Variants in ADK observed in about 807,000 individuals in gnomAD.
The protein encoded by ADK is adenosine kinase.
ADK carries 24 observed loss-of-function variants against 44.7 expected under a neutral mutation model. The ratio of observed to expected loss-of-function variants is 0.54; its 90% CI spans 0.39 to 0.76. ADK has a LOEUF of 0.76. Among genes scored for constraint, ADK ranks in the 30% least tolerant of loss-of-function variants. The pLI, the probability that ADK is intolerant of heterozygous loss-of-function variation, is 0.00. For missense variants in ADK, 321 were observed against 425.1 expected (o/e 0.76, Z 2.15); for synonymous variants, 128 against 142.6 (o/e 0.90, Z 0.73).
intron 3 of ADK, among the ~76,000 whole-genome samples, chr10:74,295,670 C>T (rs1467218266): frequency 6.6e-6 from 1 of 150,474 alleles, no homozygotes. Context: ...ATTGGTTTTA[C>T]TTCTATTGGT....
rs541989739 is a variant in ADK at position 74,443,130 on chromosome 10, A to G, written c.555+44551A>G. Among the ~76,000 whole-genome samples the G allele has an allele frequency of 5.9e-5, 9 of 152,270 alleles. No homozygotes were observed. In the South Asian group the frequency reaches 1.9e-3, roughly 32 times the overall value. On this transcript the variant is annotated intron_variant, in intron 6 of 10. Coordinates refer to ENST00000539909, the MANE Select transcript of ADK (RefSeq NM_006721.4). ...TATAGTTTATAATTATGTATTGTAT[A>G]CTTGAAATTTGTTAAGAAAGTAGCT...
At chr10:74,508,388 A>G (rs1390113261) in intron 6 of ADK, 10 of 152,232 alleles carry the variant, frequency 6.6e-5, no homozygotes, top group Admixed American at 3.3e-4. Context: ...GATGGGAGGC[A>G]GAAGACTTTC....
intron 6 of ADK, among the ~76,000 whole-genome samples, chr10:74,435,439 T>C (rs536092963): frequency 6.6e-6 from 1 of 152,172 alleles, no homozygotes; most frequent in South Asian, 2.1e-4. Flanking sequence ...GGTTAGTAAA[T>C]GGGGAGATAT....
chr10:74,650,924 G>A (rs989701864), intron 9 of ADK, among the ~76,000 whole-genome samples: 34 of 152,026 alleles, frequency 2.2e-4, no homozygotes, highest in Non-Finnish European at 5.9e-5. Flanking sequence ...TTCATTCTCA[G>A]AAACAAAAAT....
At chr10:74,602,262 C>T (rs1852167221) in intron 9 of ADK, among the ~76,000 whole-genome samples, 1 of 151,992 alleles carries the variant, frequency 6.6e-6, no homozygotes, top group Admixed American at 6.6e-5. Context: ...AAAAGATATC[C>T]CTGCACTGAT....
At chr10:74,538,814 A>G (rs553965084) in intron 7 of ADK, among the ~76,000 whole-genome samples, 1 of 152,302 alleles carries the variant, frequency 6.6e-6, no homozygotes, top group Non-Finnish European at 1.5e-5. Context: ...AATGTTTCTA[A>G]TAGTTAATTA....
chr10:74,693,810 TC>T (rs1856073944), intron 10 of ADK, among the ~76,000 whole-genome samples: 1 of 152,168 alleles, frequency 6.6e-6, no homozygotes, highest in Non-Finnish European at 1.5e-5. Flanking sequence ...TGAGGAATCT[TC>T]TAAGAAGAGT....
intron 3 of ADK, among the ~76,000 whole-genome samples, chr10:74,261,192 TGGTCCCCC>T (rs1846023500): frequency 6.6e-6 from 1 of 152,240 alleles, no homozygotes; most frequent in Non-Finnish European, 1.5e-5. Flanking sequence ...AACAAATATT[TGGTCCCCC>T]TTTCCCACCA....
intron 9 of ADK, among the ~76,000 whole-genome samples, chr10:74,636,130 A>AT (rs1015286035): frequency 5.3e-5 from 8 of 152,048 alleles, no homozygotes; most frequent in Non-Finnish European, 1.2e-4. Context: ...ATAGATAATT[A>AT]TTTTTTTAAT....
chr10:74,660,729 CAAAAAAAAAAA>C (rs747443907), intron 9 of ADK, among the ~76,000 whole-genome samples: 1 of 92,888 alleles, frequency 1.1e-5, no homozygotes, highest in African/African-American at 4.5e-5. Flanking sequence ...GACCCTGTCT[CAAAAAAAAAAA>C]AAAAAAAAAG....
intron 4 of ADK, among the ~76,000 whole-genome samples, chr10:74,385,204 A>G (rs1843103305): frequency 6.6e-6 from 1 of 152,212 alleles, no homozygotes; most frequent in Non-Finnish European, 1.5e-5. Context: ...TTTTTAAAAG[A>G]GACTTTTATA....
Position 74,182,623 on chromosome 10 carries a change from C to T in ADK, c.66-18141C>T, listed in dbSNP as rs112688316. Among the ~76,000 whole-genome samples the T allele has an allele frequency of 1.1e-4, 16 of 152,232 alleles. 1 individual carries two copies. Among genetic ancestry groups the T allele is most frequent in the African/African-American group, 3.6e-4 (15 of 41,524 alleles). ...ACCTCAGGTGATTCTCCTGCCTTGG[C>T]CTCCCAAAGTGCTCACAGGCATGAG... is the stretch of plus-strand genomic sequence containing the variant. On this transcript the variant is annotated intron_variant, in intron 1 of 10. Coordinates refer to ENST00000539909, the MANE Select transcript of ADK (RefSeq NM_006721.4).
At chr10:74,521,812 A>G (rs1848847715) in intron 6 of ADK, among the ~76,000 whole-genome samples, 1 of 152,220 alleles carries the variant, frequency 6.6e-6, no homozygotes, top group Non-Finnish European at 1.5e-5. Context: ...TACTTGGTTA[A>G]AAAAGAAAGA....
At chr10:74,239,715 CAAAAAAAAAA>C (rs61022417) in intron 3 of ADK, among the ~76,000 whole-genome samples, 8 of 85,046 alleles carry the variant, frequency 9.4e-5, no homozygotes, top group East Asian at 4.3e-4. Context: ...GACCTTGTCT[CAAAAAAAAAA>C]AAAAAAAAAA....
intron 9 of ADK, among the ~76,000 whole-genome samples, chr10:74,659,373 C>T (rs76352394): frequency 6.6e-6 from 1 of 152,208 alleles, no homozygotes. Context: ...TGTTTACATT[C>T]AGAACTGAAG....
chr10:74,634,452 T>G (rs1853552547), intron 9 of ADK, among the ~76,000 whole-genome samples: 1 of 152,010 alleles, frequency 6.6e-6, no homozygotes, highest in African/African-American at 2.4e-5. Context: ...TCTCCTGACC[T>G]CGGGATCCGC....
chr10:74,477,741 G>A (rs1589150970), intron 6 of ADK, among the ~76,000 whole-genome samples: 1 of 151,976 alleles, frequency 6.6e-6, no homozygotes, highest in South Asian at 2.1e-4. Context: ...ATTTGTTCCC[G>A]AGATTTATAA....
chr10:74,192,712 A>G (rs1314532583), intron 1 of ADK, among the ~76,000 whole-genome samples: 2 of 151,320 alleles, frequency 1.3e-5, no homozygotes, highest in African/African-American at 4.9e-5. Context: ...ATTTTTGTAG[A>G]GATGAGGTCT....
At chr10:74,663,874 G>A (rs2134176963) in intron 9 of ADK, among the ~76,000 whole-genome samples, 1 of 152,228 alleles carries the variant, frequency 6.6e-6, no homozygotes, top group East Asian at 1.9e-4. Flanking sequence ...TCTAAGCAGG[G>A]TGTCTTTGCT....
Sources: allele counts gnomAD v4.1 joint callset (sites outside exome capture counted in the v4.1 genomes callset), GRCh38; gene constraint gnomAD v4.1.1; transcripts MANE v1.5; gene names NCBI Gene and HGNC (gene_info 2026-07-23, HGNC 2026-07-21).